The following PRELID3A variants were observed in gnomAD, a reference collection of about 807,000 sequenced individuals.
PRELID3A encodes the protein PRELI domain containing protein 3A.
In PRELID3A, 27 loss-of-function variants were observed where a neutral mutation model predicts 23.0. The observed-to-expected ratio is 1.17, with a 90% CI of 0.87 to 1.62. The LOEUF (loss-of-function observed/expected upper bound fraction) is 1.62, where lower values mean the gene tolerates loss of function less well. PRELID3A is among the 40% of genes most tolerant of loss of function. The probability of loss-of-function intolerance (pLI) is 0.00; values close to 1 mark genes in which losing one functional copy is unlikely to be tolerated. For synonymous variants in PRELID3A, 87 were observed against 86.4 expected, an observed-to-expected ratio of 1.01 and a Z score of -0.04; for missense variants, 231 against 231.4, an observed-to-expected ratio of 1.00 and a Z score of 0.01.
At chr18:12,414,537 T>G (rs1598856282) in intron 1 of PRELID3A, among the ~76,000 whole-genome samples, 1 of 152,088 alleles carries the variant, frequency 6.6e-6, no homozygotes, top group Admixed American at 6.5e-5. Context: ...ACCAGCCTAG[T>G]CAACATGGTG....
intron 1 of PRELID3A, among the ~76,000 whole-genome samples, chr18:12,417,986 T>A (rs770249276): frequency 2.0e-5 from 3 of 152,216 alleles, no homozygotes; most frequent in Non-Finnish European, 4.4e-5. Context: ...CCGAATGTAA[T>A]AGAACAGGTT....
At chr18:12,429,972 C>A (rs2030512544) in intron 6 of PRELID3A, among the ~76,000 whole-genome samples, 1 of 152,262 alleles carries the variant, frequency 6.6e-6, no homozygotes, top group Non-Finnish European at 1.5e-5. Context: ...AGCAGCTGGA[C>A]TTCTAGTGGC....
intron 6 of PRELID3A, 62 bp downstream of exon 6, chr18:12,429,498 G>A: frequency 1.8e-6 from 2 of 1,094,038 alleles, no homozygotes; most frequent in African/African-American, 1.5e-5. Flanking sequence ...CGTGTGCATG[G>A]TGCACATGGT....
intron 1 of PRELID3A, chr18:12,410,622 C>G (rs1042122837): frequency 6.6e-6 from 1 of 151,986 alleles, no homozygotes. Context: ...ATAGACCTTT[C>G]TTTTTCTTTC....
In PRELID3A at chr18:12,432,164, G is replaced by A. The variant is rs1434291329; in HGVS notation, c.*1048G>A. The A allele has an allele frequency of 2.6e-5, 4 of 152,226 alleles. No individual in the cohort carries two copies. Among genetic ancestry groups the A allele is most frequent in the Non-Finnish European group, 4.4e-5 (3 of 68,056 alleles). The allele number at this position is 152,226 out of a possible 1,614,324, so 9.4% of individuals were successfully genotyped here. A position where few individuals can be genotyped will look rare whatever the true frequency, so the allele number is the denominator to read the frequency against. ...TCGCAAAGCCTTCCAGAAGTTTTCT[G>A]TGCTTATGAAAGCGTATGTGTGGCC... On this transcript the variant is annotated 3_prime_UTR_variant, in exon 7 of 7. Transcript: ENST00000440960.
chr18:12,421,085 A>G lies in PRELID3A; in HGVS notation c.202-455A>G, dbSNP rs59551512. Reference sequence around the variant, plus strand: ...GCAAATCTGAGCACGGCTCACCCCAACCCGGCCCCTGGATCTCGCCTCCAC... The same window carrying G: ...GCAAATCTGAGCACGGCTCACCCCAGCCCGGCCCCTGGATCTCGCCTCCAC... On this transcript the variant is annotated intron_variant, in intron 2 of 6. Coordinates refer to ENST00000440960, the MANE Select transcript of PRELID3A (RefSeq NM_001142405.2). Among the ~76,000 whole-genome samples, 79 of 151,808 alleles carry G rather than the reference A, an allele frequency of 5.2e-4. No homozygotes were observed. In the East Asian group the frequency reaches 0.014, roughly 27 times the overall value.
In PRELID3A at chr18:12,429,396, T is replaced by C; in HGVS notation, c.512T>C (p.Val171Ala). The C allele has an allele frequency of 6.2e-7, 1 of 1,612,796 alleles. No individual in the cohort carries two copies. ...EWIIEHSESA[V>A]S ...ATAATTGAACACTCTGAAAGCGCTG[T>C]GAGCTAAGGAGGCCTGTGCCTGTGC... Residue 171 changes from valine (V) to alanine (A), a missense_variant, in exon 6 of 7, where the codon GTG (valine) becomes GCG (alanine). By Grantham distance (64) the Val-to-Ala change is moderately conservative. Coordinates refer to ENST00000440960, the MANE Select transcript of PRELID3A (RefSeq NM_001142405.2).
intron 1 of PRELID3A, among the ~76,000 whole-genome samples, chr18:12,417,102 A>T (rs1240489094): frequency 6.6e-6 from 1 of 152,174 alleles, no homozygotes; most frequent in East Asian, 1.9e-4. Flanking sequence ...TAGTAAAATT[A>T]TTTATTATGT....
At chr18:12,417,320 C>T (rs1425009272) in intron 1 of PRELID3A, among the ~76,000 whole-genome samples, 2 of 152,094 alleles carry the variant, frequency 1.3e-5, no homozygotes, top group South Asian at 2.1e-4. Context: ...ATTACAGGTG[C>T]CTGCCACCAT....
At chr18:12,424,083 C>T (rs889461270) in intron 3 of PRELID3A, among the ~76,000 whole-genome samples, 1 of 152,178 alleles carries the variant, frequency 6.6e-6, no homozygotes, top group Non-Finnish European at 1.5e-5. Flanking sequence ...GCCAATGTTC[C>T]CTGGTCCTAT....
rs1203686923 is a variant in PRELID3A at position 12,414,130 on chromosome 18, C to A, written c.32+6123C>A. Among the ~76,000 whole-genome samples the A allele has an allele frequency of 2.0e-5, 3 of 152,186 alleles. No homozygotes were observed. In the East Asian group the frequency reaches 5.8e-4, roughly 29 times the overall value. ...AGAGTGAACAAGTGCCGGCGCCCCCCAGACACCCCAGAGTCGAGGGACTTG... is the reference window on the plus strand; with the variant it reads ...AGAGTGAACAAGTGCCGGCGCCCCCAAGACACCCCAGAGTCGAGGGACTTG... On this transcript the variant is annotated intron_variant, in intron 1 of 6. Transcript: ENST00000440960.
chr18:12,412,248 C>T (rs1909943944), intron 1 of PRELID3A, among the ~76,000 whole-genome samples: 3 of 147,208 alleles, frequency 2.0e-5, no homozygotes, highest in Admixed American at 6.9e-5. Flanking sequence ...AGGGCAGTGG[C>T]GGGATCTCAG....
At chr18:12,428,576 C>T (rs2030451643) in intron 5 of PRELID3A, among the ~76,000 whole-genome samples, 1 of 152,178 alleles carries the variant, frequency 6.6e-6, no homozygotes, top group Non-Finnish European at 1.5e-5. Context: ...TTATGGCTTG[C>T]ATTTAGTCTC....
chr18:12,411,406 C>G (rs1315737640), intron 1 of PRELID3A, among the ~76,000 whole-genome samples: 1 of 138,214 alleles, frequency 7.2e-6, no homozygotes, highest in African/African-American at 2.8e-5. Flanking sequence ...GCAGAACTTG[C>G]AGTGAGCCGA....
intron 1 of PRELID3A, among the ~76,000 whole-genome samples, chr18:12,412,441 G>A (rs2143325674): frequency 6.6e-6 from 1 of 152,306 alleles, no homozygotes; most frequent in East Asian, 1.9e-4. Flanking sequence ...GCCCACCTGG[G>A]CCTCCCAAAG....
chr18:12,411,460 C>T lies in PRELID3A; in HGVS notation c.32+3453C>T, dbSNP rs375350111. On this transcript the variant is annotated intron_variant, in intron 1 of 6. Coordinates refer to ENST00000440960, the MANE Select transcript of PRELID3A (RefSeq NM_001142405.2). ...CAGCCTGGGCGACAGAGCGAGACTC[C>T]GTCTCAAAAAAAAAAAAAAAAAAAA... Among the ~76,000 whole-genome samples the T allele has an allele frequency of 2.8e-3, 285 of 100,392 alleles. 1 individual carries two copies. Among genetic ancestry groups the T allele is most frequent in the South Asian group, 0.012 (33 of 2,798 alleles). The allele number at this position is 100,392 out of a possible 152,430, so 65.9% of individuals were successfully genotyped here.
At chr18:12,419,330 A>T (rs1271939277) in intron 1 of PRELID3A, among the ~76,000 whole-genome samples, 1 of 146,402 alleles carries the variant, frequency 6.8e-6, no homozygotes, top group Non-Finnish European at 1.5e-5. Flanking sequence ...CATATCAAAA[A>T]AAAAAAAAAA....
chr18:12,408,644 A>AG (rs1442132260), intron 1 of PRELID3A, among the ~76,000 whole-genome samples: 1 of 152,094 alleles, frequency 6.6e-6, no homozygotes, highest in Admixed American at 6.5e-5. Flanking sequence ...TCTTAAGTGA[A>AG]GCCAGGCCCA....
At chr18:12,414,121 G>A (rs933489025) in intron 1 of PRELID3A, among the ~76,000 whole-genome samples, 1 of 152,030 alleles carries the variant, frequency 6.6e-6, no homozygotes, top group South Asian at 2.1e-4. Flanking sequence ...AACAAGTGCC[G>A]GCGCCCCCCA....
Sources: gnomAD v4.1 joint callset for allele counts (sites outside exome capture counted in the v4.1 genomes callset) on GRCh38, gnomAD v4.1.1 for gene constraint, MANE v1.5 for transcripts, NCBI Gene and HGNC (gene_info 2026-07-23, HGNC 2026-07-21) for gene names.